Variants in TRIM2 observed in about 807,000 individuals in gnomAD.
TRIM2 encodes tripartite motif-containing protein 2.
In TRIM2, 20 loss-of-function variants were observed where a neutral mutation model predicts 75.2. The ratio of observed to expected loss-of-function variants is 0.27; its 90% confidence interval spans 0.19 to 0.39. The LOEUF (loss-of-function observed/expected upper bound fraction) is 0.39, where lower values mean the gene tolerates loss of function less well. Among genes scored for constraint, TRIM2 ranks in the 10% least tolerant of loss-of-function variants. The probability of loss-of-function intolerance (pLI) is 1.00; values close to 1 mark genes in which losing one functional copy is unlikely to be tolerated. For missense variants in TRIM2, 660 were observed against 990.8 expected, an observed-to-expected ratio of 0.67 and a Z score of 4.48; for synonymous variants, 373 against 388.3, an observed-to-expected ratio of 0.96 and a Z score of 0.46.
At chr4:153,228,689 G>A (rs953018013) in intron 1 of TRIM2, among the ~76,000 whole-genome samples, 3 of 152,340 alleles carry the variant, frequency 2.0e-5, no homozygotes, top group African/African-American at 4.8e-5. Context: ...TGGCACACAC[G>A]CTGTACAGCA....
intron 1 of TRIM2, among the ~76,000 whole-genome samples, chr4:153,176,854 A>G (rs1490737574): frequency 1.3e-5 from 2 of 151,988 alleles, no homozygotes; most frequent in Non-Finnish European, 2.9e-5. Context: ...CAGGAGATCC[A>G]CCCGCCTCGG....
At position 153,204,472 on chromosome 4, in the gene TRIM2, T is replaced by A; in HGVS notation, c.-59T>A. On this transcript the variant is annotated 5_prime_UTR_variant, in exon 1 of 12. Coordinates refer to ENST00000338700, the MANE Select transcript of TRIM2 (RefSeq NM_015271.5). The stretch of plus-strand genomic sequence containing the variant: ...GCTTGATGACTATAATGGGCCCAGT[T>A]GTCTGCGGGCTGCGGGGAGCTAAGT... 6.5e-7 allele frequency: 1 copy of A among 1,547,296 alleles called. No individual in the cohort carries two copies. The highest frequency in any genetic ancestry group is 8.7e-7 in the Non-Finnish European group (1 of 1,143,096).
chr4:153,297,419 A>G (rs1265337417), intron 6 of TRIM2, among the ~76,000 whole-genome samples: 3 of 152,144 alleles, frequency 2.0e-5, no homozygotes, highest in Non-Finnish European at 4.4e-5. Context: ...TTCAACTTCT[A>G]TGTCCATGAA....
chr4:153,183,394 C>T (rs1451327228), intron 1 of TRIM2, among the ~76,000 whole-genome samples: 8 of 152,150 alleles, frequency 5.3e-5, no homozygotes, highest in South Asian at 2.1e-4. Context: ...TGCTGAGGGG[C>T]GGAGAACAGC....
upstream of TRIM2, among the ~76,000 whole-genome samples, chr4:153,203,394 T>TAC (rs35049904): frequency 0.053 from 7,547 of 141,288 alleles, 199 homozygotes; most frequent in East Asian, 0.082. Flanking sequence ...CCCACATCTC[T>TAC]ACACACACAC....
At chr4:153,205,423 G>C (rs1386179742) in intron 1 of TRIM2, among the ~76,000 whole-genome samples, 1 of 152,216 alleles carries the variant, frequency 6.6e-6, no homozygotes, top group African/African-American at 2.4e-5. Flanking sequence ...GGCAAGGAAA[G>C]GGTTGTGCTG....
chr4:153,325,047 G>A (rs1297909777), intron 10 of TRIM2, among the ~76,000 whole-genome samples: 1 of 152,208 alleles, frequency 6.6e-6, no homozygotes, highest in Non-Finnish European at 1.5e-5. Flanking sequence ...AGTGAGTAAA[G>A]TTTGCACTTA....
intron 4 of TRIM2, among the ~76,000 whole-genome samples, chr4:153,293,349 G>A (rs1251328204): frequency 6.6e-5 from 10 of 152,194 alleles, no homozygotes; most frequent in Admixed American, 6.5e-4. Context: ...CCTTATGAGT[G>A]GCATTTTTGT....
rs1183914263 is a variant in TRIM2 at position 153,247,677 on chromosome 4, CAAAAA to C, written c.31-22638_31-22634del. On this transcript the variant is annotated intron_variant, in intron 1 of 11. Transcript: ENST00000338700. ...TGGGAAACAGAGTGAGACTCTGTCTCAAAAAAAAAAAAAAAAAAAAAAAACTGTAT... is the reference window on the plus strand; with the variant it reads ...TGGGAAACAGAGTGAGACTCTGTCTCAAAAAAAAAAAAAAAAAAACTGTAT... Among the ~76,000 whole-genome samples, 26 of 79,538 alleles carry C rather than the reference CAAAAA, an allele frequency of 3.3e-4. No individual in the cohort carries two copies. In the South Asian group the frequency reaches 0.012, roughly 37 times the overall value. The allele number at this position is 79,538 out of a possible 152,430, so 52.2% of individuals were successfully genotyped here.
Position 153,338,124 on chromosome 4 carries a change from C to T in TRIM2, c.*3158C>T. On this transcript the variant is annotated 3_prime_UTR_variant, in exon 12 of 12. Transcript: ENST00000338700. ...ATACTCCAGATCCATGCAGCTAGAA[C>T]ACACTTGCTTCCACTACTAAATATA... 1.0e-6 allele frequency: 1 copy of T among 985,844 alleles called. No homozygotes were observed. Among genetic ancestry groups the T allele is most frequent in the Non-Finnish European group, 1.2e-6 (1 of 829,944 alleles). The allele number at this position is 985,844 out of a possible 1,614,324, so 61.1% of individuals were successfully genotyped here.
rs548272408 is a variant in TRIM2 at position 153,264,387 on chromosome 4, G to A, written c.31-5948G>A. Among the ~76,000 whole-genome samples, 15 of 152,292 alleles carry A rather than the reference G, an allele frequency of 9.8e-5. No homozygotes were observed. The East Asian group carries it at 1.5e-3, about 16-fold the overall frequency. Reference sequence around the variant, plus strand: ...GCATTCGAGCTTCTTTACAGGCGAAGTCCACCCCAGGCATGTTTTCACACG... The same window carrying A: ...GCATTCGAGCTTCTTTACAGGCGAAATCCACCCCAGGCATGTTTTCACACG... On this transcript the variant is annotated intron_variant, in intron 1 of 11. Transcript: ENST00000338700.
intron 1 of TRIM2, among the ~76,000 whole-genome samples, chr4:153,243,375 G>A (rs1040335334): frequency 2.0e-5 from 3 of 152,228 alleles, no homozygotes; most frequent in Non-Finnish European, 2.9e-5. Flanking sequence ...TGTGCCATGT[G>A]GCAGGGCAAA....
intron 3 of TRIM2, 36 bp downstream of exon 3, chr4:153,276,166 A>G (rs1431615402): frequency 1.3e-6 from 2 of 1,568,974 alleles, no homozygotes; most frequent in Non-Finnish European, 1.8e-6. Context: ...GCCCGGGAGC[A>G]TGACTACTGT....
chr4:153,241,416 G>C (rs1420100279), intron 1 of TRIM2, among the ~76,000 whole-genome samples: 2 of 152,226 alleles, frequency 1.3e-5, no homozygotes, highest in Non-Finnish European at 2.9e-5. Context: ...CTCCCCGATG[G>C]AGGTCACAGG....
chr4:153,181,993 C>T (rs941874409), intron 1 of TRIM2, among the ~76,000 whole-genome samples: 1 of 152,144 alleles, frequency 6.6e-6, no homozygotes, highest in East Asian at 1.9e-4. Context: ...CAGCTTTACT[C>T]CACCCTCAAC....
At position 153,337,879 on chromosome 4, in the gene TRIM2, G is replaced by A. The variant is rs1772628502; in HGVS notation, c.*2913G>A. 1.7e-5 allele frequency: 17 copies of A among 985,608 alleles called. No homozygotes were observed. Among genetic ancestry groups the A allele is most frequent in the Admixed American group, 6.2e-5 (1 of 16,244 alleles). 61.1% of individuals were successfully genotyped at this position (985,608 alleles called of 1,614,324 possible). A position where few individuals can be genotyped will look rare whatever the true frequency, so the allele number is the denominator to read the frequency against. ...TTGGGATTTCAAGGTCAGTGACGAC[G>A]CATTTCCTCCCAGTACAGACCCCCC... On this transcript the variant is annotated 3_prime_UTR_variant, in exon 12 of 12. Transcript: ENST00000338700.
chr4:153,316,044 A>G, intron 8 of TRIM2, 45 bp downstream of exon 8: 1 of 1,486,932 alleles, frequency 6.7e-7, no homozygotes, highest in Non-Finnish European at 9.0e-7. Context: ...GAGAGAAGGA[A>G]CAGGAAATAC....
chr4:153,259,124 A>G (rs1342344624), intron 1 of TRIM2, among the ~76,000 whole-genome samples: 1 of 152,232 alleles, frequency 6.6e-6, no homozygotes, highest in Non-Finnish European at 1.5e-5. Context: ...CTCTGATAGA[A>G]CGTGCTGTTT....
At chr4:153,252,934 A>G (rs72965069) in intron 1 of TRIM2, among the ~76,000 whole-genome samples, 4,358 of 152,350 alleles carry the variant, frequency 0.029, 123 homozygotes, top group African/African-American at 0.078. Context: ...TTGTTCATTC[A>G]TAGAACTTTC....
Sources: allele counts gnomAD v4.1 joint callset (sites outside exome capture counted in the v4.1 genomes callset), GRCh38; gene constraint gnomAD v4.1.1; transcripts MANE v1.5; gene names NCBI Gene and HGNC (gene_info 2026-07-23, HGNC 2026-07-21).